CFAP251: variants seen among roughly 807,000 people sequenced by gnomAD.
CFAP251 encodes the protein cilia and flagella associated protein 251, also known as cilia- and flagella-associated protein 251.
CFAP251 carries 93 observed loss-of-function variants against 126.7 expected under a neutral mutation model. The ratio of observed to expected loss-of-function variants is 0.73; its 90% CI spans 0.62 to 0.87. The LOEUF (loss-of-function observed/expected upper bound fraction) is 0.87, where lower values mean the gene tolerates loss of function less well. CFAP251 is among the 40% of genes least tolerant of loss of function. CFAP251 has a pLI of 0.00. For missense variants in CFAP251, 1,287 were observed against 1,389.2 expected, an observed-to-expected ratio of 0.93 and a Z score of 1.17; for synonymous variants, 503 against 506.9, an observed-to-expected ratio of 0.99 and a Z score of 0.10.
At chr12:121,937,490 T>A (rs577863375) in intron 5 of CFAP251, among the ~76,000 whole-genome samples, 1 of 152,258 alleles carries the variant, frequency 6.6e-6, no homozygotes, top group African/African-American at 2.4e-5. Flanking sequence ...TTAAACCCAA[T>A]GCACAGGATG....
chr12:121,942,487 G>A, intron 5 of CFAP251, 47 bp from the exon 6 acceptor site: 2 of 1,421,358 alleles, frequency 1.4e-6, no homozygotes, highest in Non-Finnish European at 2.0e-6. Flanking sequence ...TCTCTGGGAA[G>A]CCAGGGAGAC....
At chr12:121,936,507 C>G (rs559250787) in intron 5 of CFAP251, among the ~76,000 whole-genome samples, 39 of 152,006 alleles carry the variant, frequency 2.6e-4, no homozygotes, top group African/African-American at 6.8e-4. Context: ...TCTTTCACCA[C>G]AGATAGTTTG....
intron 17 of CFAP251, among the ~76,000 whole-genome samples, chr12:121,972,769 T>A (rs1882368292): frequency 6.6e-6 from 1 of 152,340 alleles, no homozygotes; most frequent in South Asian, 2.1e-4. Flanking sequence ...ATTACAGGCA[T>A]GAGCTACCGC....
chr12:121,947,278 A>G (rs1274272000), intron 7 of CFAP251, among the ~76,000 whole-genome samples: 3 of 152,208 alleles, frequency 2.0e-5, no homozygotes, highest in East Asian at 1.9e-4. Flanking sequence ...TTTCAGGTCT[A>G]GAATTTCCAT....
chr12:121,954,097 C>T (rs1159403146), intron 9 of CFAP251, 23 bp from the exon 10 acceptor site: 3 of 1,593,986 alleles, frequency 1.9e-6, no homozygotes, highest in East Asian at 2.2e-5. Context: ...CCAACAGTAA[C>T]TATAACCTTT....
intron 3 of CFAP251, among the ~76,000 whole-genome samples, chr12:121,928,676 A>ACG: frequency 4.7e-5 from 2 of 42,812 alleles, no homozygotes; most frequent in Non-Finnish European, 8.3e-5. Context: ...ATACGTATAT[A>ACG]TATATATATA....
intron 19 of CFAP251, among the ~76,000 whole-genome samples, chr12:121,979,986 A>T (rs924766826): frequency 6.6e-6 from 1 of 152,162 alleles, no homozygotes; most frequent in African/African-American, 2.4e-5. Context: ...GCCCTCATCC[A>T]TGTCGCTGGG....
intron 5 of CFAP251, among the ~76,000 whole-genome samples, chr12:121,936,033 T>A (rs945945669): frequency 1.3e-5 from 2 of 152,206 alleles, no homozygotes; most frequent in Non-Finnish European, 2.9e-5. Flanking sequence ...CAAAGTGTGG[T>A]CTGCAGGCTG....
In CFAP251 at chr12:122,003,647, G is replaced by C; in HGVS notation, c.3338-5G>C. On this transcript the variant is annotated splice_polypyrimidine_tract_variant and splice_region_variant and intron_variant, in intron 21 of 21. Coordinates refer to ENST00000288912, the MANE Select transcript of CFAP251 (RefSeq NM_144668.6). ...CATTTGGTGTTCTTTTCTTGTTTTGGCTAGGTTCAGAAATTTGCCTTGAAG... is the reference window on the plus strand; with the variant it reads ...CATTTGGTGTTCTTTTCTTGTTTTGCCTAGGTTCAGAAATTTGCCTTGAAG... 6.2e-7 allele frequency: 1 copy of C among 1,604,252 alleles called. No individual in the cohort carries two copies.
chr12:121,981,419 G>A (rs994338341), intron 19 of CFAP251, among the ~76,000 whole-genome samples: 1 of 152,108 alleles, frequency 6.6e-6, no homozygotes, highest in African/African-American at 2.4e-5. Flanking sequence ...GCAGTGAGCC[G>A]TGATCACGCC....
chr12:121,968,829 T>G, intron 17 of CFAP251: 3 of 948,570 alleles, frequency 3.2e-6, no homozygotes, highest in Non-Finnish European at 3.8e-6. Context: ...AAGCACCTAG[T>G]ACAGAGCAAA....
At chr12:121,960,961 C>T (rs1239408884) in intron 14 of CFAP251, among the ~76,000 whole-genome samples, 1 of 152,156 alleles carries the variant, frequency 6.6e-6, no homozygotes, top group African/African-American at 2.4e-5. Flanking sequence ...CTGTGCTGAA[C>T]GAGGAGGCTT....
chr12:121,930,748 CT>C (rs72062810), intron 3 of CFAP251, among the ~76,000 whole-genome samples: 62,203 of 109,644 alleles, frequency 0.57, 17,237 homozygotes, highest in Non-Finnish European at 0.71. Flanking sequence ...AATTGCCTTT[CT>C]TTTTTTTTTT....
At chr12:121,967,146 G>A (rs930830761) in intron 16 of CFAP251, 77 bp downstream of exon 16, 16 of 1,362,780 alleles carry the variant, frequency 1.2e-5, no homozygotes, top group Non-Finnish European at 1.7e-5. Context: ...AAGATCACGA[G>A]ACTCAGAGAG....
intron 19 of CFAP251, 103 bp downstream of exon 19, chr12:121,975,788 T>C (rs1219275470): frequency 5.5e-6 from 7 of 1,272,286 alleles, no homozygotes; most frequent in Non-Finnish European, 7.5e-6. Context: ...CACATTTTTC[T>C]TGCATAAATG....
chr12:121,982,539 T>C (rs1882647607), intron 19 of CFAP251, among the ~76,000 whole-genome samples: 2 of 152,150 alleles, frequency 1.3e-5, no homozygotes, highest in Admixed American at 6.5e-5. Flanking sequence ...CCATCTTGCC[T>C]GGCTAATTTT....
chr12:121,921,675 A>G lies in CFAP251; in HGVS notation c.370A>G (p.Ile124Val). ...TGATTCCCAGTCAATCACATCAGGA[A>G]TTTTCCCAGTAAGTAGTCATCTTAA... ...ITDSQSITSG[I>V]FPKTQRGSKS... The change falls in exon 2 of 22, where the codon ATT becomes GTT. Residue 124 changes from isoleucine (I) to valine (V), a missense_variant. By Grantham distance (29) the Ile-to-Val change is conservative. Transcript: ENST00000288912. 1 of 1,605,958 alleles carries G rather than the reference A, an allele frequency of 6.2e-7. No individual in the cohort carries two copies. The highest frequency in any genetic ancestry group is 8.5e-7 in the Non-Finnish European group (1 of 1,176,440).
intron 21 of CFAP251, among the ~76,000 whole-genome samples, chr12:122,002,927 A>T (rs559911052): frequency 1.3e-5 from 2 of 152,166 alleles, no homozygotes; most frequent in African/African-American, 4.8e-5. Flanking sequence ...AAGTCCCTGA[A>T]CTCAGATAAT....
At chr12:121,980,968 C>G (rs972500101) in intron 19 of CFAP251, among the ~76,000 whole-genome samples, 12 of 152,160 alleles carry the variant, frequency 7.9e-5, no homozygotes, top group African/African-American at 2.9e-4. Flanking sequence ...GCTGCGCTCT[C>G]GTAGGGGTGT....
Sources: allele counts gnomAD v4.1 joint callset (sites outside exome capture counted in the v4.1 genomes callset), GRCh38; gene constraint gnomAD v4.1.1; transcripts MANE v1.5; gene names NCBI Gene and HGNC (gene_info 2026-07-23, HGNC 2026-07-21).